The following SBF2 variants were observed in gnomAD, a reference collection of about 807,000 sequenced individuals.
SBF2 encodes the protein myotubularin-related protein 13.
SBF2 carries 112 observed loss-of-function variants against 225.2 expected under a neutral mutation model. The observed-to-expected ratio is 0.50, with a 90% CI of 0.43 to 0.58. The LOEUF (loss-of-function observed/expected upper bound fraction) is 0.58. SBF2 is among the 20% of genes least tolerant of loss of function. The pLI is 0.00. For missense variants in SBF2, 1,996 were observed against 2,206.2 expected (o/e 0.90, Z 1.91); for synonymous variants, 763 against 773.3 (o/e 0.99, Z 0.22).
At chr11:9,987,112 A>G (rs1947229379) in intron 13 of SBF2, among the ~76,000 whole-genome samples, 1 of 152,202 alleles carries the variant, frequency 6.6e-6, no homozygotes, top group Admixed American at 6.5e-5. Flanking sequence ...GGATGCAGGG[A>G]TAATTTAACA....
intron 1 of SBF2, among the ~76,000 whole-genome samples, chr11:10,206,809 A>G (rs1366361588): frequency 2.0e-5 from 3 of 151,938 alleles, no homozygotes; most frequent in Non-Finnish European, 4.4e-5. Context: ...CGGAGAGAAA[A>G]CAAATTAAAA....
intron 2 of SBF2, among the ~76,000 whole-genome samples, chr11:10,113,332 G>A (rs1221530849): frequency 1.3e-5 from 2 of 152,026 alleles, no homozygotes; most frequent in East Asian, 3.8e-4. Flanking sequence ...GTTCAAAAAT[G>A]ACACACATTA....
At chr11:10,205,022 G>A (rs555257142) in intron 1 of SBF2, among the ~76,000 whole-genome samples, 6 of 151,758 alleles carry the variant, frequency 4.0e-5, no homozygotes, top group Non-Finnish European at 8.8e-5. Context: ...GAGGTGGGAG[G>A]GGGGAGGCAG....
rs574034136 is a variant in SBF2 at position 10,212,563 on chromosome 11, G to A, written c.56-18576C>T. Among the ~76,000 whole-genome samples the A allele has an allele frequency of 2.2e-3, 341 of 152,200 alleles. 1 individual carries two copies. The highest frequency in any genetic ancestry group is 3.6e-3 in the Non-Finnish European group (246 of 67,998). On this transcript the variant is annotated intron_variant, in intron 1 of 39. Transcript: ENST00000256190. ...AGATTTGTAAAGTGATAAATCTATAGGTATTAGACATTATGGAGACCTAAA... is the reference window on the plus strand; with the variant it reads ...AGATTTGTAAAGTGATAAATCTATAAGTATTAGACATTATGGAGACCTAAA...
intron 16 of SBF2, among the ~76,000 whole-genome samples, chr11:9,929,433 G>A (rs1174560721): frequency 1.3e-5 from 2 of 152,128 alleles, no homozygotes; most frequent in African/African-American, 2.4e-5. Context: ...CAGCTCCAAA[G>A]CGCTTCCCAA....
At position 9,927,387 on chromosome 11, in the gene SBF2, T is replaced by C. The variant is rs543358996; in HGVS notation, c.1861-31376A>G. 1.3e-3 allele frequency among the ~76,000 whole-genome samples: 193 copies of C among 152,300 alleles called. 2 individuals are homozygous for C. Among genetic ancestry groups the C allele is most frequent in the South Asian group, 6.4e-3 (31 of 4,826 alleles). On this transcript the variant is annotated intron_variant, in intron 16 of 39. Transcript: ENST00000256190. ...AGTATGCACTTCCCAACTGATTTTA[T>C]GAGGCCAGCAATACCCTGCTACCAA...
At chr11:10,011,945 C>G (rs187107221) in intron 6 of SBF2, among the ~76,000 whole-genome samples, 67 of 152,178 alleles carry the variant, frequency 4.4e-4, no homozygotes, top group Non-Finnish European at 4.9e-4. Context: ...TTCTAATCAC[C>G]CCCATATGCA....
At chr11:10,241,876 A>G (rs2135463147) in intron 1 of SBF2, among the ~76,000 whole-genome samples, 1 of 152,156 alleles carries the variant, frequency 6.6e-6, no homozygotes, top group South Asian at 2.1e-4. Context: ...CCCTTGGCCC[A>G]CAAGTTCTCC....
chr11:10,247,223 T>C (rs564412900), intron 1 of SBF2, among the ~76,000 whole-genome samples: 40 of 152,320 alleles, frequency 2.6e-4, no homozygotes, highest in African/African-American at 8.2e-4. Context: ...CAAGCCAATG[T>C]GACTCATAAA....
At chr11:10,281,052 T>C (rs756595943) in intron 1 of SBF2, among the ~76,000 whole-genome samples, 1 of 152,236 alleles carries the variant, frequency 6.6e-6, no homozygotes, top group Non-Finnish European at 1.5e-5. Context: ...TTCTTCTGTG[T>C]ATCTGGATTC....
At chr11:9,989,794 C>T (rs993125395) in intron 12 of SBF2, among the ~76,000 whole-genome samples, 199 bp from the exon 13 acceptor site, 2 of 152,162 alleles carry the variant, frequency 1.3e-5, no homozygotes, top group African/African-American at 4.8e-5. Flanking sequence ...CTAGTGGTTC[C>T]TCCCTGAGGA....
At chr11:10,050,519 T>A (rs1950022291) in intron 2 of SBF2, among the ~76,000 whole-genome samples, 1 of 152,140 alleles carries the variant, frequency 6.6e-6, no homozygotes, top group Non-Finnish European at 1.5e-5. Context: ...CAATAACTAA[T>A]AATAAAATAT....
Position 9,992,688 on chromosome 11 carries a change from G to A in SBF2, c.1168-145C>T, listed in dbSNP as rs188819573. On this transcript the variant is annotated intron_variant, in intron 11 of 39. Coordinates refer to ENST00000256190, the MANE Select transcript of SBF2 (RefSeq NM_030962.4). ...TGTCATAAAATATATTTCTCTCAAAGAGAGTTATTCTGAAATACTACATAT... is the reference window on the plus strand; with the variant it reads ...TGTCATAAAATATATTTCTCTCAAAAAGAGTTATTCTGAAATACTACATAT... 4.5e-3 allele frequency: 3,649 copies of A among 802,112 alleles called. 18 individuals are homozygous for A. Among genetic ancestry groups the A allele is most frequent in the Middle Eastern group, 9.2e-3 (28 of 3,050 alleles). The allele number at this position is 802,112 out of a possible 1,614,324, so 49.7% of individuals were successfully genotyped here.
intron 26 of SBF2, among the ~76,000 whole-genome samples, chr11:9,833,774 CTT>C (rs35133643): frequency 1.4e-4 from 18 of 127,630 alleles, no homozygotes; most frequent in Admixed American, 3.3e-4. Flanking sequence ...TCATGCTATC[CTT>C]TTTTTTTTTT....
rs1233210265 is a variant in SBF2 at position 9,832,310 on chromosome 11, C to T, written c.3566G>A (p.Arg1189Lys). Residue 1189 changes from arginine to lysine, a missense_variant, in exon 27 of 40, where the codon AGA (arginine) becomes AAA (lysine). Coordinates refer to ENST00000256190, the MANE Select transcript of SBF2 (RefSeq NM_030962.4). ...RLPVVCWKNS[R>K]SGTLLLRSGG... Reference sequence around the variant, plus strand: ...AGATCGGAGGAGCAGAGTACCACTTCTTGAGTTCTTCCAACATACAACAGG... The same window carrying T: ...AGATCGGAGGAGCAGAGTACCACTTTTTGAGTTCTTCCAACATACAACAGG... 1.2e-6 allele frequency: 2 copies of T among 1,614,042 alleles called. No individual in the cohort carries two copies. Among genetic ancestry groups the T allele is most frequent in the African/African-American group, 1.3e-5 (1 of 74,916 alleles).
intron 2 of SBF2, among the ~76,000 whole-genome samples, chr11:10,067,900 A>T (rs1950694309): frequency 1.3e-5 from 2 of 152,200 alleles, no homozygotes; most frequent in Admixed American, 1.3e-4. Flanking sequence ...CCGAATAAAA[A>T]AAAGAAATGC....
Position 9,832,565 on chromosome 11 carries a change from A to G in SBF2, c.3456-145T>C, listed in dbSNP as rs12578023. On this transcript the variant is annotated intron_variant, in intron 26 of 39. Transcript: ENST00000256190. ...TAGTAATTTTCTAAGATTCAGAAAC[A>G]TATTAGTTGAAGGGTAAGATATATT... 65,691 of 672,206 alleles carry G rather than the reference A, an allele frequency of 0.098. 3,530 individuals are homozygous for G. The highest frequency in any genetic ancestry group is 0.16 in the East Asian group (5,717 of 36,694). 41.6% of individuals were successfully genotyped at this position (672,206 alleles called of 1,614,324 possible).
chr11:10,273,696 T>C (rs1448136825), intron 1 of SBF2, among the ~76,000 whole-genome samples: 2 of 152,220 alleles, frequency 1.3e-5, no homozygotes, highest in Non-Finnish European at 2.9e-5. Flanking sequence ...GCAGACCAGT[T>C]AGTGCTGTAG....
intron 6 of SBF2, among the ~76,000 whole-genome samples, chr11:10,005,445 C>T (rs1319040608): frequency 6.6e-6 from 1 of 152,166 alleles, no homozygotes; most frequent in African/African-American, 2.4e-5. Flanking sequence ...CGAGTCAAAG[C>T]TCAAACAGTG....
Sources: gnomAD v4.1 joint callset for allele counts (sites outside exome capture counted in the v4.1 genomes callset) on GRCh38, gnomAD v4.1.1 for gene constraint, MANE v1.5 for transcripts, NCBI Gene and HGNC (gene_info 2026-07-23, HGNC 2026-07-21) for gene names.